The following GRIK2 variants were observed in gnomAD, a reference collection of about 807,000 sequenced individuals.
GRIK2 encodes glutamate receptor ionotropic, kainate 2.
A neutral mutation model predicts 100.3 loss-of-function variants in GRIK2; 32 were observed. The ratio of observed to expected loss-of-function variants is 0.32; its 90% CI spans 0.24 to 0.43. The LOEUF (loss-of-function observed/expected upper bound fraction) is 0.43. GRIK2 is among the 20% of genes least tolerant of loss of function. The pLI is 1.00. For missense variants in GRIK2, 843 were observed against 1,114.9 expected (o/e 0.76, Z 3.47); for synonymous variants, 417 against 389.4 (o/e 1.07, Z -0.83).
At position 102,068,648 on chromosome 6, in the gene GRIK2, C is replaced by G. The variant is rs1188238637; in HGVS notation, c.*137C>G. Reference sequence around the variant, plus strand: ...TGCCGCTGTGTCTATGAACTAGAGACTCTGTGATCTAAGCAGTTGCAATGA... The same window carrying G: ...TGCCGCTGTGTCTATGAACTAGAGAGTCTGTGATCTAAGCAGTTGCAATGA... On this transcript the variant is annotated 3_prime_UTR_variant, in exon 17 of 17. Coordinates refer to ENST00000369134, the MANE Select transcript of GRIK2 (RefSeq NM_021956.5). 1.5e-6 allele frequency: 1 copy of G among 680,092 alleles called. No individual in the cohort carries two copies. Among genetic ancestry groups the G allele is most frequent in the Admixed American group, 2.9e-5 (1 of 34,662 alleles). 42.1% of individuals were successfully genotyped at this position (680,092 alleles called of 1,614,324 possible).
At chr6:101,734,323 A>C (rs1261851624) in intron 7 of GRIK2, among the ~76,000 whole-genome samples, 2 of 152,220 alleles carry the variant, frequency 1.3e-5, no homozygotes, top group Non-Finnish European at 2.9e-5. Context: ...ACCTAAAAAG[A>C]GACAATATTG....
chr6:101,552,180 A>G (rs80069523), intron 2 of GRIK2, among the ~76,000 whole-genome samples: 258 of 152,262 alleles, frequency 1.7e-3, no homozygotes, highest in Middle Eastern at 3.4e-3. Context: ...TACAGCACAA[A>G]TCAACTCAGA....
intron 7 of GRIK2, chr6:101,744,543 T>TATATATATATACACAC (rs1776284816): frequency 5.3e-5 from 7 of 130,866 alleles, no homozygotes; most frequent in East Asian, 2.2e-4. Flanking sequence ...TATATATATA[T>TATATATATATACACAC]ATATATATAT....
chr6:101,796,356 A>C (rs1310748897), intron 7 of GRIK2, among the ~76,000 whole-genome samples: 1 of 152,212 alleles, frequency 6.6e-6, no homozygotes, highest in African/African-American at 2.4e-5. Flanking sequence ...TGTGAGAATA[A>C]GAGAAGGCAC....
At chr6:102,012,782 C>A (rs1223587166) in intron 14 of GRIK2, among the ~76,000 whole-genome samples, 1 of 152,030 alleles carries the variant, frequency 6.6e-6, no homozygotes, top group East Asian at 1.9e-4. Context: ...CTGTTCTGTT[C>A]CATTGGTCTA....
chr6:101,710,831 TAAA>T (rs1773650788), intron 7 of GRIK2, among the ~76,000 whole-genome samples: 1 of 151,816 alleles, frequency 6.6e-6, no homozygotes, highest in African/African-American at 2.4e-5. Context: ...GAAATTGAGA[TAAA>T]AAGGGGAAAA....
rs770760798 is a variant in GRIK2, at chr6:101,621,951, G to A, written c.118G>A (p.Gly40Ser). The part of the protein sequence containing the change: ...QGTTHVLRFG[G>S]IFEYVESGPM... ...ATTTTTCTCTTTCTTTTTGCCAGGT[G>A]GTATTTTTGAATATGTGGAATCTGG... Residue 40 changes from glycine (G) to serine (S), a missense_variant and splice_region_variant, in exon 3 of 17, where the codon GGT becomes AGT. This residue lies in a region of GRIK2 where 519 missense variants were observed against 643.8 expected (regional missense o/e 0.81). Transcript: ENST00000369134. 9 of 1,594,390 alleles carry A rather than the reference G, an allele frequency of 5.6e-6. No individual in the cohort carries two copies. Among genetic ancestry groups the A allele is most frequent in the Middle Eastern group, 1.7e-4 (1 of 6,016 alleles).
In GRIK2 at chr6:101,988,132, T is replaced by C. The variant is rs866988927; in HGVS notation, c.2086-47209T>C. On this transcript the variant is annotated intron_variant, in intron 14 of 16. Coordinates refer to ENST00000369134, the MANE Select transcript of GRIK2 (RefSeq NM_021956.5). ...GTGTGTGTGTGTGTGTGTGTGTGTGTGCGCGCGCGCGCGCGCGCGCGCGTG... is the reference window on the plus strand; with the variant it reads ...GTGTGTGTGTGTGTGTGTGTGTGTGCGCGCGCGCGCGCGCGCGCGCGCGTG... 7.5e-3 allele frequency among the ~76,000 whole-genome samples: 222 copies of C among 29,418 alleles called. 2 individuals carry two copies. The highest frequency in any genetic ancestry group is 0.014 in the Non-Finnish European group (146 of 10,474). 19.3% of individuals were successfully genotyped at this position (29,418 alleles called of 152,430 possible).
In GRIK2 at chr6:101,946,589, G is replaced by A. The variant is rs115381207; in HGVS notation, c.2085+17957G>A. On this transcript the variant is annotated intron_variant, in intron 14 of 16. Coordinates refer to ENST00000369134, the MANE Select transcript of GRIK2 (RefSeq NM_021956.5). ...ATGAATAATGCTTATTTGTAAATACGTAACAAACTATCTAATCATTGAATT... is the reference window on the plus strand; with the variant it reads ...ATGAATAATGCTTATTTGTAAATACATAACAAACTATCTAATCATTGAATT... Among the ~76,000 whole-genome samples, 867 of 151,932 alleles carry A rather than the reference G, an allele frequency of 5.7e-3. 10 individuals are homozygous for A. The highest frequency in any genetic ancestry group is 0.02 in the African/African-American group (819 of 41,444).
rs1291353689 is a variant in GRIK2 at position 102,049,343 on chromosome 6, T to C, written c.2312-5987T>C. Among the ~76,000 whole-genome samples, 3 of 152,076 alleles carry C rather than the reference T, an allele frequency of 2.0e-5. No homozygotes were observed. The East Asian group carries it at 5.8e-4, about 29-fold the overall frequency. On this transcript the variant is annotated intron_variant, in intron 15 of 16. Coordinates refer to ENST00000369134, the MANE Select transcript of GRIK2 (RefSeq NM_021956.5). ...ACAGAGAGAACACATGTAATAACAA[T>C]AGTAATTGTTATCTAAGGTTATCTT...
chr6:101,522,248 T>G (rs1285555634), intron 2 of GRIK2, among the ~76,000 whole-genome samples: 1 of 152,172 alleles, frequency 6.6e-6, no homozygotes, highest in Non-Finnish European at 1.5e-5. Context: ...TTGATTCTTT[T>G]GCTTAACACA....
intron 3 of GRIK2, among the ~76,000 whole-genome samples, chr6:101,624,950 A>G (rs1435215019): frequency 6.6e-6 from 1 of 151,960 alleles, no homozygotes; most frequent in Admixed American, 6.6e-5. Flanking sequence ...TTTTTGTTTT[A>G]GTAGAGAGGA....
At position 101,451,400 on chromosome 6, in the gene GRIK2, G is replaced by A. The variant is rs143733799; in HGVS notation, c.115+52008G>A. Among the ~76,000 whole-genome samples the A allele has an allele frequency of 1.3e-4, 20 of 151,642 alleles. No homozygotes were observed. The East Asian group carries it at 1.4e-3, about 10-fold the overall frequency. On this transcript the variant is annotated intron_variant, in intron 2 of 16. Transcript: ENST00000369134. ...TTTAATATCTTTGAAGACAGGGGCCGTATGGTTATCATTCTTATGCCTTTC... is the reference window on the plus strand; with the variant it reads ...TTTAATATCTTTGAAGACAGGGGCCATATGGTTATCATTCTTATGCCTTTC...
intron 9 of GRIK2, among the ~76,000 whole-genome samples, chr6:101,804,984 G>A (rs563011472): frequency 7.9e-5 from 12 of 151,930 alleles, no homozygotes; most frequent in Admixed American, 1.3e-4. Context: ...GAGATATTTT[G>A]GCTCAAATTC....
intron 14 of GRIK2, among the ~76,000 whole-genome samples, chr6:102,028,966 C>T (rs1023114056): frequency 2.0e-5 from 3 of 151,172 alleles, no homozygotes; most frequent in African/African-American, 7.3e-5. Context: ...CAATTATTTG[C>T]TAATAGAAAA....
At chr6:101,686,146 C>T (rs1044382344) in intron 6 of GRIK2, 34 bp from the exon 7 acceptor site, 1 of 1,573,864 alleles carries the variant, frequency 6.4e-7, no homozygotes, top group Non-Finnish European at 8.7e-7. Flanking sequence ...GATACTCTGT[C>T]CATAATAACA....
At chr6:101,751,715 A>G (rs115096384) in intron 7 of GRIK2, among the ~76,000 whole-genome samples, 70 of 152,300 alleles carry the variant, frequency 4.6e-4, no homozygotes, top group African/African-American at 1.4e-3. Flanking sequence ...CCCCATGATA[A>G]TCTTCAACAT....
intron 14 of GRIK2, among the ~76,000 whole-genome samples, chr6:101,932,671 G>A (rs1790366800): frequency 6.6e-6 from 1 of 151,660 alleles, no homozygotes; most frequent in South Asian, 2.1e-4. Context: ...CTACTGCACA[G>A]CAGGAGAATA....
chr6:102,006,082 T>G (rs1222896052), intron 14 of GRIK2, among the ~76,000 whole-genome samples: 1 of 151,962 alleles, frequency 6.6e-6, no homozygotes, highest in African/African-American at 2.4e-5. Flanking sequence ...AAGCACATTC[T>G]CAGGTATTGA....
Sources: allele counts gnomAD v4.1 joint callset (sites outside exome capture counted in the v4.1 genomes callset), GRCh38; gene constraint gnomAD v4.1.1; regional missense constraint gnomAD v4.1.1; transcripts MANE v1.5; gene names NCBI Gene and HGNC (gene_info 2026-07-23, HGNC 2026-07-21).